The following CLDN10 variants were observed in gnomAD, a reference collection of about 807,000 sequenced individuals.
CLDN10 encodes claudin 10.
CLDN10 carries 15 observed loss-of-function variants against 22.9 expected under a neutral mutation model. The ratio of observed to expected loss-of-function variants is 0.65; its 90% CI spans 0.44 to 1.01. The LOEUF (loss-of-function observed/expected upper bound fraction) is 1.01. CLDN10 is among the 50% of genes least tolerant of loss of function. CLDN10 has a pLI of 0.00. For synonymous variants in CLDN10, 114 were observed against 111.4 expected (o/e 1.02, Z -0.15); for missense variants, 247 against 287.8 (o/e 0.86, Z 1.03).
intron 1 of CLDN10, among the ~76,000 whole-genome samples, chr13:95,468,292 A>G (rs953068888): frequency 1.3e-5 from 2 of 151,998 alleles, no homozygotes; most frequent in Non-Finnish European, 2.9e-5. Flanking sequence ...CTGGTTCCTA[A>G]GTCTTTTTGG....
At chr13:95,539,147 G>A (rs896178776) in intron 1 of CLDN10, among the ~76,000 whole-genome samples, 1 of 152,162 alleles carries the variant, frequency 6.6e-6, no homozygotes, top group Non-Finnish European at 1.5e-5. Context: ...CCAAAGTGCT[G>A]GGATTACAGG....
chr13:95,436,904 T>C (rs1472356481), intron 1 of CLDN10, among the ~76,000 whole-genome samples: 1 of 152,182 alleles, frequency 6.6e-6, no homozygotes, highest in Non-Finnish European at 1.5e-5. Context: ...CAGAAGTCAA[T>C]GAAGAATGAA....
chr13:95,474,721 G>A (rs1052136511), intron 1 of CLDN10, among the ~76,000 whole-genome samples: 2 of 152,250 alleles, frequency 1.3e-5, no homozygotes, highest in Non-Finnish European at 2.9e-5. Flanking sequence ...GAAACGGATG[G>A]GGAGAAGAGA....
chr13:95,501,170 C>T (rs146829113), intron 1 of CLDN10, among the ~76,000 whole-genome samples: 182 of 152,048 alleles, frequency 1.2e-3, no homozygotes, highest in African/African-American at 4.0e-3. Context: ...CATGCCACCA[C>T]GCCTCGCTAA....
At chr13:95,445,200 G>C (rs1470300230) in intron 1 of CLDN10, among the ~76,000 whole-genome samples, 1 of 152,218 alleles carries the variant, frequency 6.6e-6, no homozygotes, top group African/African-American at 2.4e-5. Flanking sequence ...GACCTAAAAA[G>C]CAGGAGGAAG....
chr13:95,560,449 C>A lies in CLDN10; in HGVS notation c.450C>A (p.Leu150=). 1 of 1,613,150 alleles carries A rather than the reference C, an allele frequency of 6.2e-7. No homozygotes were observed. Among genetic ancestry groups the A allele is most frequent in the South Asian group, 1.1e-5 (1 of 91,060 alleles). Residue 150 remains leucine (L), a synonymous_variant, in exon 3 of 5, where the codon CTC becomes CTA. Transcript: ENST00000299339. ...TCACAACGGAATTCTTTGATCCTCT[C>A]TTTGTTGAGCAAAAGTAAGTACTCT... ...NKITTEFFDP[L]FVEQKYELGA... is the part of the protein sequence containing the mutation.
intron 1 of CLDN10, among the ~76,000 whole-genome samples, chr13:95,513,202 A>G (rs1257013374): frequency 2.0e-5 from 3 of 152,166 alleles, no homozygotes; most frequent in Non-Finnish European, 4.4e-5. Context: ...TATTAGCTTG[A>G]ATTTGGAACT....
chr13:95,556,971 T>G (rs1190147732), intron 1 of CLDN10, among the ~76,000 whole-genome samples: 3 of 152,276 alleles, frequency 2.0e-5, no homozygotes, highest in East Asian at 1.9e-4. Flanking sequence ...TGTATTTTAC[T>G]ATTTGAAAAT....
intron 1 of CLDN10, among the ~76,000 whole-genome samples, chr13:95,453,396 C>T (rs1270464475): frequency 6.6e-6 from 1 of 152,148 alleles, no homozygotes; most frequent in Non-Finnish European, 1.5e-5. Flanking sequence ...AATAAACAAG[C>T]ACAGAGGCTG....
At chr13:95,433,866 T>C in exon 1 of CLDN10, 3 of 1,614,138 alleles carry the variant, frequency 1.9e-6, no homozygotes, top group Non-Finnish European at 2.5e-6. Flanking sequence ...CTCTGGTGTC[T>C]GGTGTCGGAG....
chr13:95,521,631 C>T (rs2043225184), intron 1 of CLDN10, among the ~76,000 whole-genome samples: 1 of 152,108 alleles, frequency 6.6e-6, no homozygotes, highest in Non-Finnish European at 1.5e-5. Context: ...GACAATTACA[C>T]ACTGTAATTT....
At chr13:95,435,531 T>TA (rs1204572224) in intron 1 of CLDN10, among the ~76,000 whole-genome samples, 2 of 152,178 alleles carry the variant, frequency 1.3e-5, no homozygotes, top group Admixed American at 6.5e-5. Flanking sequence ...TGAAATAACA[T>TA]GGACTTTCCT....
rs1285256321 is a variant in CLDN10 at position 95,579,461 on chromosome 13, A to G, written c.*1447A>G. On this transcript the variant is annotated 3_prime_UTR_variant, in exon 5 of 5. Transcript: ENST00000299339. ...ATTGTTTTCATCCTGCATTTACAGA[A>G]AAAGAAATGAAAACAGAGAGCTTAA... The G allele has an allele frequency of 6.6e-6, 1 of 152,256 alleles. No individual in the cohort carries two copies. The highest frequency in any genetic ancestry group is 1.5e-5 in the Non-Finnish European group (1 of 68,042). The allele number at this position is 152,256 out of a possible 1,614,324, so 9.4% of individuals were successfully genotyped here. A position where few individuals can be genotyped will look rare whatever the true frequency, so the allele number is the denominator to read the frequency against.
chr13:95,449,193 T>C (rs975418292), intron 1 of CLDN10, among the ~76,000 whole-genome samples: 2 of 152,214 alleles, frequency 1.3e-5, no homozygotes, highest in African/African-American at 4.8e-5. Flanking sequence ...ATCCCAGGAC[T>C]GCTGCTACTA....
intron 1 of CLDN10, among the ~76,000 whole-genome samples, chr13:95,435,214 T>C (rs1232719641): frequency 2.6e-5 from 4 of 152,236 alleles, no homozygotes; most frequent in African/African-American, 9.6e-5. Context: ...GCAAATTTGA[T>C]ACATTTACAA....
chr13:95,476,553 C>T (rs994933402), intron 1 of CLDN10, among the ~76,000 whole-genome samples: 13 of 152,158 alleles, frequency 8.5e-5, no homozygotes, highest in African/African-American at 1.4e-4. Context: ...TGGATTTCAA[C>T]GTGTGAATTT....
chr13:95,543,300 C>A (rs1266739733), intron 1 of CLDN10, among the ~76,000 whole-genome samples: 1 of 152,118 alleles, frequency 6.6e-6, no homozygotes, highest in Admixed American at 6.5e-5. Context: ...TCAGCCAGAG[C>A]TTTTCAGGTG....
intron 1 of CLDN10, chr13:95,479,342 T>G (rs1337442675): frequency 6.6e-6 from 1 of 151,626 alleles, no homozygotes; most frequent in Non-Finnish European, 1.5e-5. Flanking sequence ...AGAGCAAGAC[T>G]CCATCTCGGG....
intron 3 of CLDN10, among the ~76,000 whole-genome samples, chr13:95,575,669 C>T (rs907818120): frequency 1.3e-5 from 2 of 151,866 alleles, no homozygotes; most frequent in Admixed American, 6.6e-5. Flanking sequence ...TAAGGGAACC[C>T]GCTGAAGTTT....
Sources: gnomAD v4.1 joint callset for allele counts (sites outside exome capture counted in the v4.1 genomes callset) on GRCh38, gnomAD v4.1.1 for gene constraint, MANE v1.5 for transcripts, NCBI Gene and HGNC (gene_info 2026-07-23, HGNC 2026-07-21) for gene names.